The following USP47 variants were observed in gnomAD, a reference collection of about 807,000 sequenced individuals.
USP47 encodes the protein ubiquitin specific peptidase 47.
A neutral mutation model predicts 165.1 loss-of-function variants in USP47; 35 were observed. That is an observed-to-expected ratio of 0.21 (90% confidence interval 0.16 to 0.28). The LOEUF (loss-of-function observed/expected upper bound fraction) is 0.28. Among genes scored for constraint, USP47 ranks in the 10% least tolerant of loss-of-function variants. The pLI is 1.00. For synonymous variants in USP47, 531 were observed against 544.5 expected (o/e 0.98, Z 0.35); for missense variants, 1,277 against 1,607.4 (o/e 0.79, Z 3.52).
chr11:11,930,196 G>T, intron 13 of USP47, 76 bp downstream of exon 13: 12 of 1,354,800 alleles, frequency 8.9e-6, no homozygotes, highest in Non-Finnish European at 1.2e-5. Flanking sequence ...TATCATCAAA[G>T]ATTTAACCAA....
chr11:11,855,579 A>G (rs1269339642), intron 1 of USP47, among the ~76,000 whole-genome samples: 1 of 152,212 alleles, frequency 6.6e-6, no homozygotes, highest in East Asian at 1.9e-4. Context: ...TTTCTGTATA[A>G]AGATGTGAAT....
chr11:11,879,029 G>A (rs1850660083), intron 1 of USP47, among the ~76,000 whole-genome samples: 1 of 152,166 alleles, frequency 6.6e-6, no homozygotes, highest in Non-Finnish European at 1.5e-5. Flanking sequence ...TATGGAGATG[G>A]TGAGACATCT....
intron 17 of USP47, 25 bp downstream of exon 17, chr11:11,936,535 G>A: frequency 1.3e-6 from 2 of 1,520,578 alleles, no homozygotes; most frequent in Non-Finnish European, 1.8e-6. Context: ...ACTATTTTTA[G>A]TTGTTCTGTA....
intron 1 of USP47, among the ~76,000 whole-genome samples, chr11:11,857,047 C>T (rs1849086783): frequency 6.6e-6 from 1 of 152,024 alleles, no homozygotes; most frequent in African/African-American, 2.4e-5. Context: ...TAAGGTTATC[C>T]ACAGTGCTCC....
At chr11:11,878,527 A>G (rs762370427) in intron 1 of USP47, 3 of 152,180 alleles carry the variant, frequency 2.0e-5, no homozygotes, top group Admixed American at 6.5e-5. Context: ...AATCTATTAA[A>G]TGTGTTAATA....
chr11:11,890,874 G>A lies in USP47; in HGVS notation c.358-1094G>A, dbSNP rs148168083. ...TGTCCTTTGCAGGGAGATGGATGGA[G>A]CTGGAAGTCATTATTCTCAGGAAAC... is the stretch of plus-strand genomic sequence containing the variant. On this transcript the variant is annotated intron_variant, in intron 3 of 27. Coordinates refer to ENST00000527733, the MANE Select transcript of USP47 (RefSeq NM_001282659.2). Among the ~76,000 whole-genome samples the A allele has an allele frequency of 2.6e-5, 4 of 152,268 alleles. No individual in the cohort carries two copies. In the East Asian group the frequency reaches 7.7e-4, roughly 29 times the overall value.
intron 22 of USP47, among the ~76,000 whole-genome samples, chr11:11,949,304 C>T (rs1411026112): frequency 6.6e-6 from 1 of 151,970 alleles, no homozygotes; most frequent in East Asian, 1.9e-4. Context: ...GTTATAACAT[C>T]CTATTGTTAT....
chr11:11,905,602 C>T, intron 8 of USP47, 54 bp downstream of exon 8: 21 of 1,502,548 alleles, frequency 1.4e-5, no homozygotes, highest in Non-Finnish European at 1.9e-5. Flanking sequence ...TACATAATAG[C>T]ACAGTGGTAT....
At chr11:11,866,492 A>G (rs1849688240) in intron 1 of USP47, among the ~76,000 whole-genome samples, 1 of 152,152 alleles carries the variant, frequency 6.6e-6, no homozygotes, top group Non-Finnish European at 1.5e-5. Context: ...TCTTCTGGAA[A>G]GTTGTCGTGG....
At position 11,903,219 on chromosome 11, in the gene USP47, A is replaced by T. The variant is rs1053182911; in HGVS notation, c.740-44A>T. On this transcript the variant is annotated intron_variant, in intron 6 of 27. Transcript: ENST00000527733. ...TTTAAACAACAGATTGTTTCATTACATAAAGTTTATAGCTATTTCTAATTG... is the reference window on the plus strand; with the variant it reads ...TTTAAACAACAGATTGTTTCATTACTTAAAGTTTATAGCTATTTCTAATTG... 20 of 1,559,888 alleles carry T rather than the reference A, an allele frequency of 1.3e-5. No homozygotes were observed. In the East Asian group the frequency reaches 4.5e-4, roughly 35 times the overall value.
intron 19 of USP47, among the ~76,000 whole-genome samples, chr11:11,941,109 A>G (rs567886034): frequency 3.3e-5 from 5 of 151,826 alleles, no homozygotes; most frequent in Admixed American, 6.6e-5. Flanking sequence ...ATCATTTTTC[A>G]TATGTGTTTT....
At chr11:11,925,687 G>A (rs573320489) in intron 11 of USP47, among the ~76,000 whole-genome samples, 1 of 151,268 alleles carries the variant, frequency 6.6e-6, no homozygotes, top group Non-Finnish European at 1.5e-5. Flanking sequence ...TGTCATCAGT[G>A]AACAGAAATA....
rs756277028 is a variant in USP47 at position 11,933,014 on chromosome 11, A to G, written c.1662A>G (p.Glu554=). 6.2e-7 allele frequency: 1 copy of G among 1,612,156 alleles called. No individual in the cohort carries two copies. The highest frequency in any genetic ancestry group is 8.5e-7 in the Non-Finnish European group (1 of 1,179,060). Residue 554 remains glutamate (E), a synonymous_variant, in exon 15 of 28, where the codon GAA becomes GAG. Transcript: ENST00000527733. Reference sequence around the variant, plus strand: ...TTTTATTACTAATAGAATTTCTAGAAGTGGATGAATACCCAGAACATATTA... The same window carrying G: ...TTTTATTACTAATAGAATTTCTAGAGGTGGATGAATACCCAGAACATATTA... ...KDPARNAKFL[E]VDEYPEHIKN...
At position 11,912,431 on chromosome 11, in the gene USP47, T is replaced by A. The variant is rs1044258323; in HGVS notation, c.969+6883T>A. 5.9e-5 allele frequency among the ~76,000 whole-genome samples: 9 copies of A among 152,242 alleles called. 1 individual carries two copies. The Middle Eastern group carries it at 0.031, about 518-fold the overall frequency. On this transcript the variant is annotated intron_variant, in intron 8 of 27. Transcript: ENST00000527733. ...ATCACAACAAACAACTCTGCACATA[T>A]AAATTTGACAACTTAGATAAAACGA...
chr11:11,943,334 A>T (rs1382495073), intron 20 of USP47: 1 of 365,766 alleles, frequency 2.7e-6, no homozygotes, highest in African/African-American at 2.1e-5. Flanking sequence ...AAAAAAAAAT[A>T]GTATTCAATG....
At position 11,930,116 on chromosome 11, in the gene USP47, G is replaced by C; in HGVS notation, c.1591G>C (p.Ala531Pro). The C allele has an allele frequency of 6.2e-7, 1 of 1,610,782 alleles. No individual in the cohort carries two copies. Among genetic ancestry groups the C allele is most frequent in the South Asian group, 1.1e-5 (1 of 90,956 alleles). Residue 531 changes from alanine to proline, a missense_variant, in exon 13 of 28, where the codon GCA becomes CCA. Coordinates refer to ENST00000527733, the MANE Select transcript of USP47 (RefSeq NM_001282659.2). ...GSRGYYSSAF[A>P]SSTNAYMLIY... ...CAGAGGATATTATTCTAGTGCTTTC[G>C]CAAGGTAAGCAATTTCCTAATTTTC... is the stretch of plus-strand genomic sequence containing the variant.
chr11:11,842,013 C>T lies in USP47; in HGVS notation c.-173C>T, dbSNP rs1030995211. 3 of 700,296 alleles carry T rather than the reference C, an allele frequency of 4.3e-6. No individual in the cohort carries two copies. Among genetic ancestry groups the T allele is most frequent in the African/African-American group, 1.9e-5 (1 of 53,190 alleles). The allele number at this position is 700,296 out of a possible 1,614,324, so 43.4% of individuals were successfully genotyped here. On this transcript the variant is annotated 5_prime_UTR_variant, in exon 1 of 28. Transcript: ENST00000527733. ...GTAGCGGCGGCGGCGGCGGCGGAGC[C>T]CTGGGTCGGTGTCTGCGCGCTGGTG...
chr11:11,961,133 G>A lies in USP47; in HGVS notation c.*4958G>A, dbSNP rs777041368. 5.9e-5 allele frequency among the ~76,000 whole-genome samples: 9 copies of A among 152,202 alleles called. No homozygotes were observed. Among genetic ancestry groups the A allele is most frequent in the African/African-American group, 1.2e-4 (5 of 41,454 alleles). ...GGATTGGTTTCCTCCTCAATGTCAA[G>A]GACTCAAAGACTCTTTCTGTGGTAG... On this transcript the variant is annotated 3_prime_UTR_variant, in exon 28 of 28. Transcript: ENST00000527733.
chr11:11,862,402 GCTTAT>G (rs767437882), intron 1 of USP47, among the ~76,000 whole-genome samples: 3 of 143,028 alleles, frequency 2.1e-5, no homozygotes, highest in African/African-American at 8.0e-5. Context: ...ATAAGAATCT[GCTTAT>G]CTTATTATAT....
Sources: gnomAD v4.1 joint callset for allele counts (sites outside exome capture counted in the v4.1 genomes callset) on GRCh38, gnomAD v4.1.1 for gene constraint, MANE v1.5 for transcripts, NCBI Gene and HGNC (gene_info 2026-07-23, HGNC 2026-07-21) for gene names.